Variants in DTX2 observed in about 807,000 individuals in gnomAD.
The protein encoded by DTX2 is deltex E3 ubiquitin ligase 2.
DTX2 carries 29 observed loss-of-function variants against 55.3 expected under a neutral mutation model. The observed-to-expected ratio is 0.52, with a 90% CI of 0.39 to 0.71. The LOEUF (loss-of-function observed/expected upper bound fraction) is 0.71, where lower values mean the gene tolerates loss of function less well. Ranked by LOEUF, DTX2 falls within the 30% of genes least tolerant of loss-of-function variation. The pLI is 0.00. For synonymous variants in DTX2, 276 were observed against 340.4 expected (o/e 0.81, Z 2.08); for missense variants, 537 against 822.5 (o/e 0.65, Z 4.25).
intron 6 of DTX2, among the ~76,000 whole-genome samples, chr7:76,499,096 G>C: frequency 4.9e-5 from 1 of 20,380 alleles, no homozygotes; most frequent in Non-Finnish European, 8.5e-5. Context: ...TGAGGTGTGT[G>C]GAGGTGTGGG....
At position 76,480,928 on chromosome 7, in the gene DTX2, G is replaced by A. The variant is rs1339470150; in HGVS notation, c.268+151G>A. 5.5e-6 allele frequency: 5 copies of A among 905,592 alleles called. No individual in the cohort carries two copies. The African/African-American group carries it at 8.4e-5, about 15-fold the overall frequency. The allele number at this position is 905,592 out of a possible 1,614,324, so 56.1% of individuals were successfully genotyped here. A position where few individuals can be genotyped will look rare whatever the true frequency, so the allele number is the denominator to read the frequency against. On this transcript the variant is annotated intron_variant, in intron 3 of 10. Transcript: ENST00000430490. ...GGTGGTGGGTGGGTGCAGTGAGTGG[G>A]AACATCCACATAGGTTGAGTGCAGC...
chr7:76,469,381 A>C (rs866910070), intron 2 of DTX2, among the ~76,000 whole-genome samples: 13 of 91,944 alleles, frequency 1.4e-4, no homozygotes, highest in African/African-American at 2.6e-4. Context: ...TTTTTTTTTT[A>C]CTGTGAATAT....
chr7:76,505,379 A>G lies in DTX2; in HGVS notation c.1647A>G (p.Leu549=). Residue 549 remains leucine, a synonymous_variant, in exon 11 of 11, where the codon CTA becomes CTG. Transcript: ENST00000430490. The surrounding 1 kb of genome is among the most constrained non-coding windows in gnomAD (Gnocchi z 4.4). ...LPDNAQGRKV[L]ELLKVAWKRR... ...CCCTCCTCCTCCCCGGGCAGGTCCT[A>G]GAGCTCCTGAAGGTGGCCTGGAAGA... 2 of 1,572,634 alleles carry G rather than the reference A, an allele frequency of 1.3e-6. No individual in the cohort carries two copies. Among genetic ancestry groups the G allele is most frequent in the South Asian group, 2.3e-5 (2 of 85,992 alleles).
At chr7:76,472,734 A>G (rs1356241695) in intron 2 of DTX2, among the ~76,000 whole-genome samples, 1 of 151,328 alleles carries the variant, frequency 6.6e-6, no homozygotes, top group African/African-American at 2.5e-5. Flanking sequence ...TATATGAAGA[A>G]GAAAAGAAGC....
chr7:76,481,189 CTTT>C (rs11320055), intron 3 of DTX2, among the ~76,000 whole-genome samples: 2 of 143,892 alleles, frequency 1.4e-5, no homozygotes, highest in African/African-American at 2.6e-5. Context: ...GTGTTTTGAT[CTTT>C]TTTTTTTTTT....
At chr7:76,474,113 G>A in intron 2 of DTX2, among the ~76,000 whole-genome samples, 1 of 151,098 alleles carries the variant, frequency 6.6e-6, no homozygotes. Context: ...TAGAGATGGG[G>A]TTTCTCCATG....
rs200872991 is a variant in DTX2, at chr7:76,477,800, CTAAATAAATAAA to C, written c.-89-2591_-89-2580del. On this transcript the variant is annotated intron_variant, in intron 2 of 10. Transcript: ENST00000430490. Reference sequence around the variant, plus strand: ...TGGGTGACAGAGTGAGACTCGGACTCTAAATAAATAAATAAATAAATAAATAAATAAATAAAT... The same window carrying C: ...TGGGTGACAGAGTGAGACTCGGACTCTAAATAAATAAATAAATAAATAAAT... Among the ~76,000 whole-genome samples the C allele has an allele frequency of 8.1e-3, 726 of 89,990 alleles. 30 individuals are homozygous for C. The highest frequency in any genetic ancestry group is 0.032 in the African/African-American group (644 of 20,152). The allele number at this position is 89,990 out of a possible 152,430, so 59.0% of individuals were successfully genotyped here.
At position 76,503,626 on chromosome 7, in the gene DTX2, C is replaced by T. The variant is rs548913215; in HGVS notation, c.1551+39C>T. 5.8e-5 allele frequency: 91 copies of T among 1,568,166 alleles called. 1 individual carries two copies. The African/African-American group carries it at 1.2e-3, about 20-fold the overall frequency. On this transcript the variant is annotated intron_variant, in intron 9 of 10. Coordinates refer to ENST00000430490, the MANE Select transcript of DTX2 (RefSeq NM_001102594.3). The stretch of plus-strand genomic sequence containing the variant: ...TTGAGTCCCCCACTCCTGGCCACTC[C>T]TCTTCCCACCCCGCCCACATCCCAG...
intron 2 of DTX2, 48 bp from the exon 3 acceptor site, chr7:76,480,373 G>A: frequency 9.0e-7 from 1 of 1,112,160 alleles, no homozygotes; most frequent in Non-Finnish European, 1.3e-6. Flanking sequence ...TGATTCTGCA[G>A]GGCTACTGAT....
chr7:76,480,557 C>T lies in DTX2; in HGVS notation c.48C>T (p.Pro16=), dbSNP rs746131098. The change falls in exon 3 of 11, where the codon CCC becomes CCT. Residue 16 remains proline (P), a synonymous_variant. Transcript: ENST00000430490. ...CCCTGGTGCAGGTGTACACCAGCCC[C>T]GCGGCTGTGGCCGTGTGGGAATGGC... ...SPSLVQVYTS[P]AAVAVWEWQD... is the part of the protein sequence containing the mutation. 7.8e-5 allele frequency: 126 copies of T among 1,612,230 alleles called. No homozygotes were observed. The highest frequency in any genetic ancestry group is 9.7e-5 in the Non-Finnish European group (114 of 1,179,956).
intron 2 of DTX2, chr7:76,472,156 G>T (rs77036139): frequency 0.1 from 15,178 of 151,244 alleles, 955 homozygotes; most frequent in Middle Eastern, 0.18. Flanking sequence ...GCTCGGGGAT[G>T]GGGGGATGTG....
chr7:76,480,165 TGTG>T (rs1289509773), intron 2 of DTX2, among the ~76,000 whole-genome samples: 1 of 139,230 alleles, frequency 7.2e-6, no homozygotes, highest in East Asian at 2.1e-4. Context: ...ATGAGCTGGG[TGTG>T]GTGGTGAATG....
intron 10 of DTX2, among the ~76,000 whole-genome samples, chr7:76,504,836 A>G (rs1293885110): frequency 1.3e-5 from 2 of 151,912 alleles, no homozygotes; most frequent in African/African-American, 4.8e-5. Flanking sequence ...GGAAGGCAGG[A>G]TAGTGGGAGC....
intron 6 of DTX2, chr7:76,499,901 G>T: frequency 2.9e-6 from 1 of 339,162 alleles, no homozygotes; most frequent in South Asian, 2.2e-5. Flanking sequence ...GCATGTGACA[G>T]ACCTTCCCAG....
At chr7:76,466,041 AG>A (rs1461792425) in intron 2 of DTX2, among the ~76,000 whole-genome samples, 2 of 115,200 alleles carry the variant, frequency 1.7e-5, no homozygotes, top group Non-Finnish European at 3.5e-5. Context: ...GGGGAAATCC[AG>A]GGGGAAAAGG....
Position 76,492,287 on chromosome 7 carries a change from G to C in DTX2, c.1009+34G>C, listed in dbSNP as rs1810516973. 2 of 922,204 alleles carry C rather than the reference G, an allele frequency of 2.2e-6. 1 individual carries two copies. The highest frequency in any genetic ancestry group is 2.9e-6 in the Non-Finnish European group (2 of 681,964). 57.1% of individuals were successfully genotyped at this position (922,204 alleles called of 1,614,324 possible). A position where few individuals can be genotyped will look rare whatever the true frequency, so the allele number is the denominator to read the frequency against. On this transcript the variant is annotated intron_variant, in intron 5 of 10. Coordinates refer to ENST00000430490, the MANE Select transcript of DTX2 (RefSeq NM_001102594.3). ...CTGACCTCGGGCTGCAGAGCAGTCT[G>C]TGCCCTGCGGACTTGGTGGGGAGGA...
chr7:76,503,401 A>G, intron 8 of DTX2, 25 bp from the exon 9 acceptor site: 1 of 1,608,098 alleles, frequency 6.2e-7, no homozygotes, highest in Admixed American at 1.7e-5. Context: ...CTGCCAGCTC[A>G]GTGGGTTGCG....
At position 76,505,442 on chromosome 7, in the gene DTX2, G is replaced by A. The variant is rs765433775; in HGVS notation, c.1710G>A (p.Thr570=). The A allele has an allele frequency of 5.0e-6, 8 of 1,604,742 alleles. No individual in the cohort carries two copies. In the East Asian group the frequency reaches 6.8e-5, roughly 14 times the overall value. Residue 570 remains threonine (T), a synonymous_variant, in exon 11 of 11, where the codon ACG becomes ACA. Coordinates refer to ENST00000430490, the MANE Select transcript of DTX2 (RefSeq NM_001102594.3). The surrounding 1 kb of genome is among the most constrained non-coding windows in gnomAD (Gnocchi z 4.4). ...LIFTVGTSST[T]GETDTVVWNE... ...TCACAGTGGGCACGTCCAGCACCAC[G>A]GGTGAGACGGACACCGTGGTATGGA...
rs1317369864 is a variant in DTX2 at position 76,490,202 on chromosome 7, T to G, written c.909-1951T>G. 3.5e-5 allele frequency among the ~76,000 whole-genome samples: 3 copies of G among 85,130 alleles called. 1 individual carries two copies. The highest frequency in any genetic ancestry group is 1.1e-4 in the African/African-American group (2 of 17,716). 55.8% of individuals were successfully genotyped at this position (85,130 alleles called of 152,430 possible). ...TTAGCTGGGTGTGGTGGCACGCACC[T>G]GTAGTCCCAGCTACTCAGGAGGCTG... On this transcript the variant is annotated intron_variant, in intron 4 of 10. Coordinates refer to ENST00000430490, the MANE Select transcript of DTX2 (RefSeq NM_001102594.3).
Sources: gnomAD v4.1 joint callset for allele counts (sites outside exome capture counted in the v4.1 genomes callset) on GRCh38, gnomAD v4.1.1 for gene constraint, Gnocchi (gnomAD v3.1) non-coding constraint, MANE v1.5 for transcripts, NCBI Gene and HGNC (gene_info 2026-07-23, HGNC 2026-07-21) for gene names.